Variants in PTPRM observed in about 807,000 individuals in gnomAD.
The protein encoded by PTPRM is receptor-type tyrosine-protein phosphatase mu.
Under a neutral mutation model 186.7 loss-of-function variants are expected in PTPRM, and 47 were observed. The ratio of observed to expected loss-of-function variants is 0.25; its 90% CI spans 0.20 to 0.32. PTPRM has a LOEUF of 0.32. Ranked by LOEUF, PTPRM falls within the 10% of genes least tolerant of loss-of-function variation. PTPRM has a pLI of 1.00. For missense variants in PTPRM, 1,494 were observed against 1,865.0 expected (o/e 0.80, Z 3.66); for synonymous variants, 668 against 674.9 (o/e 0.99, Z 0.16).
At chr18:7,938,773 A>G (rs2051985846) in intron 5 of PTPRM, among the ~76,000 whole-genome samples, 1 of 152,222 alleles carries the variant, frequency 6.6e-6, no homozygotes, top group African/African-American at 2.4e-5. Context: ...AATTTCCATA[A>G]TCAAATTCTT....
At chr18:7,636,089 T>G (rs1178587573) in intron 1 of PTPRM, among the ~76,000 whole-genome samples, 1 of 152,196 alleles carries the variant, frequency 6.6e-6, no homozygotes, top group Non-Finnish European at 1.5e-5. Context: ...AAAGAGAGCC[T>G]TTCAAAAAGT....
chr18:8,063,412 C>T (rs576935152), intron 7 of PTPRM, among the ~76,000 whole-genome samples: 180 of 152,204 alleles, frequency 1.2e-3, no homozygotes, highest in African/African-American at 4.0e-3. Flanking sequence ...CCGTCTTCTG[C>T]GTCGCTCACG....
intron 32 of PTPRM, among the ~76,000 whole-genome samples, chr18:8,400,374 G>A (rs527470021): frequency 1.3e-5 from 2 of 152,308 alleles, no homozygotes; most frequent in East Asian, 3.9e-4. Flanking sequence ...TGCTCTAGAC[G>A]CAGTATCAGC....
intron 1 of PTPRM, among the ~76,000 whole-genome samples, chr18:7,720,147 G>T (rs1238984145): frequency 6.6e-6 from 1 of 152,106 alleles, no homozygotes; most frequent in African/African-American, 2.4e-5. Flanking sequence ...AAAAATATCA[G>T]CTATCTTCAA....
rs545918712 is a variant in PTPRM at position 8,051,316 on chromosome 18, A to T, written c.1133-18370A>T. Among the ~76,000 whole-genome samples, 230 of 152,320 alleles carry T rather than the reference A, an allele frequency of 1.5e-3. 1 individual carries two copies. Among genetic ancestry groups the T allele is most frequent in the African/African-American group, 5.1e-3 (211 of 41,570 alleles). ...GTTTTCTGAAGTTATGTAATATTTGATACAAACAAAAGGACATACGTAACC... is the reference window on the plus strand; with the variant it reads ...GTTTTCTGAAGTTATGTAATATTTGTTACAAACAAAAGGACATACGTAACC... On this transcript the variant is annotated intron_variant, in intron 7 of 32. Transcript: ENST00000580170.
In PTPRM at chr18:8,391,003, G is replaced by A. The variant is rs564624922; in HGVS notation, c.4209-3473G>A. 4.0e-5 allele frequency among the ~76,000 whole-genome samples: 6 copies of A among 151,544 alleles called. No homozygotes were observed. In the East Asian group the frequency reaches 1.2e-3, roughly 29 times the overall value. On this transcript the variant is annotated intron_variant, in intron 31 of 32. Coordinates refer to ENST00000580170, the MANE Select transcript of PTPRM (RefSeq NM_001105244.2). ...CCGAATAGCCAATGAGCATAGAAAA[G>A]TTACTCAATATTATTCATTTTTAGG...
At chr18:7,739,809 C>A (rs2040851270) in intron 1 of PTPRM, among the ~76,000 whole-genome samples, 1 of 152,184 alleles carries the variant, frequency 6.6e-6, no homozygotes, top group Non-Finnish European at 1.5e-5. Context: ...GGGGTTGCAT[C>A]ATCTTTGATT....
chr18:7,856,197 T>C (rs2047086329), intron 2 of PTPRM, among the ~76,000 whole-genome samples: 1 of 152,172 alleles, frequency 6.6e-6, no homozygotes, highest in African/African-American at 2.4e-5. Context: ...GAAGCCTGTT[T>C]TGTTCTTATC....
chr18:7,833,720 G>A (rs778726984), intron 2 of PTPRM, among the ~76,000 whole-genome samples: 2 of 151,636 alleles, frequency 1.3e-5, no homozygotes, highest in Non-Finnish European at 2.9e-5. Context: ...GTCCACAAGA[G>A]CGAGACTCTG....
intron 20 of PTPRM, among the ~76,000 whole-genome samples, chr18:8,298,157 C>T (rs2095117228): frequency 6.6e-6 from 1 of 152,208 alleles, no homozygotes; most frequent in Non-Finnish European, 1.5e-5. Flanking sequence ...AGAAGGAAAA[C>T]ATGGTTTCTT....
chr18:7,732,625 G>A (rs1212113552), intron 1 of PTPRM, among the ~76,000 whole-genome samples: 3 of 152,036 alleles, frequency 2.0e-5, no homozygotes, highest in African/African-American at 4.8e-5. Context: ...TCCCACCTTG[G>A]TCTCATGAGT....
chr18:7,769,857 A>T (rs1310274728), intron 1 of PTPRM, among the ~76,000 whole-genome samples: 2 of 152,130 alleles, frequency 1.3e-5, no homozygotes, highest in Non-Finnish European at 2.9e-5. Context: ...CCAAGGTATG[A>T]TGGAGACATG....
intron 11 of PTPRM, among the ~76,000 whole-genome samples, chr18:8,100,798 G>A (rs988168528): frequency 1.3e-5 from 2 of 152,154 alleles, no homozygotes; most frequent in African/African-American, 4.8e-5. Flanking sequence ...ATCATGATTT[G>A]CTTAAAAAAT....
chr18:7,815,049 C>A (rs1322553940), intron 2 of PTPRM: 1 of 152,134 alleles, frequency 6.6e-6, no homozygotes, highest in Non-Finnish European at 1.5e-5. Context: ...GGAAACCAAC[C>A]ATCAGTCCTC....
chr18:7,760,480 G>A (rs1191384639), intron 1 of PTPRM, among the ~76,000 whole-genome samples: 1 of 152,158 alleles, frequency 6.6e-6, no homozygotes, highest in Non-Finnish European at 1.5e-5. Flanking sequence ...TTTTAGAAGG[G>A]CCTGCGCTGG....
At chr18:7,845,405 G>A (rs900929813) in intron 2 of PTPRM, among the ~76,000 whole-genome samples, 1 of 152,108 alleles carries the variant, frequency 6.6e-6, no homozygotes, top group African/African-American at 2.4e-5. Flanking sequence ...GTTAGCTTGT[G>A]TGTTCAGTCA....
intron 2 of PTPRM, among the ~76,000 whole-genome samples, chr18:7,812,382 CT>C (rs1411335650): frequency 1.3e-5 from 2 of 152,124 alleles, no homozygotes; most frequent in African/African-American, 4.8e-5. Flanking sequence ...TTATAAGCTG[CT>C]TTTCTCTTTC....
intron 1 of PTPRM, among the ~76,000 whole-genome samples, chr18:7,611,085 A>T (rs567898112): frequency 6.6e-6 from 1 of 152,222 alleles, no homozygotes; most frequent in Non-Finnish European, 1.5e-5. Flanking sequence ...AGAAAAACAT[A>T]TATAAAAGAG....
At chr18:7,733,123 G>T (rs1279530107) in intron 1 of PTPRM, among the ~76,000 whole-genome samples, 1 of 152,086 alleles carries the variant, frequency 6.6e-6, no homozygotes, top group Non-Finnish European at 1.5e-5. Context: ...GAATGTGCAG[G>T]TTTGTTACAT....
Sources: gnomAD v4.1 joint callset for allele counts (sites outside exome capture counted in the v4.1 genomes callset) on GRCh38, gnomAD v4.1.1 for gene constraint, MANE v1.5 for transcripts, NCBI Gene and HGNC (gene_info 2026-07-23, HGNC 2026-07-21) for gene names.